The following CNTN4 variants were observed in gnomAD, a reference collection of about 807,000 sequenced individuals.
The protein encoded by CNTN4 is contactin-4.
CNTN4 carries 77 observed loss-of-function variants against 122.5 expected under a neutral mutation model. The ratio of observed to expected loss-of-function variants is 0.63; its 90% CI spans 0.52 to 0.76. The LOEUF (loss-of-function observed/expected upper bound fraction) is 0.76, where lower values mean the gene tolerates loss of function less well. CNTN4 is among the 30% of genes least tolerant of loss of function. The pLI is 0.00. For synonymous variants in CNTN4, 512 were observed against 447.0 expected, an observed-to-expected ratio of 1.15 and a Z score of -1.83; for missense variants, 1,256 against 1,259.1, an observed-to-expected ratio of 1.00 and a Z score of 0.04.
chr3:2,645,533 CT>C lies in CNTN4; in HGVS notation c.55+73977del, dbSNP rs575425739. ...ATCTCATTTGCATATCCAATTAATT[CT>C]TCCTGTTTTAATTTGCTAGGGTTGA... On this transcript the variant is annotated intron_variant, in intron 4 of 24. Transcript: ENST00000418658. 2.8e-3 allele frequency among the ~76,000 whole-genome samples: 419 copies of C among 152,184 alleles called. 1 individual carries two copies. Among genetic ancestry groups the C allele is most frequent in the African/African-American group, 9.5e-3 (394 of 41,526 alleles).
intron 9 of CNTN4, 104 bp downstream of exon 9, chr3:2,883,351 C>G: frequency 1.3e-6 from 1 of 799,806 alleles, no homozygotes; most frequent in Non-Finnish European, 2.1e-6. Flanking sequence ...GACGGAAAAG[C>G]AAGTGAAGCC....
chr3:2,806,405 G>A (rs960596296), intron 6 of CNTN4, among the ~76,000 whole-genome samples: 29 of 152,110 alleles, frequency 1.9e-4, no homozygotes, highest in African/African-American at 2.4e-5. Context: ...AAGTAATATT[G>A]ACGAAGGGAG....
chr3:2,545,163 G>C (rs59496645), intron 3 of CNTN4, among the ~76,000 whole-genome samples: 92,837 of 151,832 alleles, frequency 0.61, 28,610 homozygotes, highest in East Asian at 0.78. Context: ...TGTTTAATTT[G>C]CAGGTAATTG....
At chr3:2,884,002 C>T (rs568806844) in intron 9 of CNTN4, among the ~76,000 whole-genome samples, 3 of 152,244 alleles carry the variant, frequency 2.0e-5, no homozygotes, top group East Asian at 3.9e-4. Context: ...TTTAATGATC[C>T]GTGTCAATCT....
intron 4 of CNTN4, 59 bp downstream of exon 4, chr3:2,571,617 C>G: frequency 8.1e-7 from 1 of 1,235,654 alleles, no homozygotes; most frequent in Non-Finnish European, 1.2e-6. Flanking sequence ...CACACTAATT[C>G]AAAAGTGGGC....
At chr3:2,335,109 C>G (rs1221712224) in intron 2 of CNTN4, among the ~76,000 whole-genome samples, 2 of 152,120 alleles carry the variant, frequency 1.3e-5, no homozygotes, top group East Asian at 3.9e-4. Context: ...TTGACAGCAG[C>G]TGATTTGTTC....
At chr3:3,052,214 A>C (rs909387487) in intron 23 of CNTN4, among the ~76,000 whole-genome samples, 1 of 152,196 alleles carries the variant, frequency 6.6e-6, no homozygotes, top group Non-Finnish European at 1.5e-5. Flanking sequence ...GTGGAACTGG[A>C]GCGGGGTTAC....
intron 4 of CNTN4, among the ~76,000 whole-genome samples, chr3:2,610,174 A>G (rs1371090392): frequency 6.6e-6 from 1 of 152,166 alleles, no homozygotes; most frequent in African/African-American, 2.4e-5. Context: ...ACCATAGTAT[A>G]AGTTAAGATA....
chr3:2,196,870 C>T (rs1355487885), intron 2 of CNTN4, among the ~76,000 whole-genome samples: 1 of 151,722 alleles, frequency 6.6e-6, no homozygotes, highest in Non-Finnish European at 1.5e-5. Context: ...CATGGAGAAA[C>T]CTCGTCTCTA....
intron 8 of CNTN4, among the ~76,000 whole-genome samples, chr3:2,867,590 A>G (rs1339320818): frequency 6.6e-6 from 1 of 152,066 alleles, no homozygotes; most frequent in Non-Finnish European, 1.5e-5. Flanking sequence ...GTTTTTATAT[A>G]TGCTGTTCCC....
At chr3:2,982,771 C>T (rs1347530851) in intron 13 of CNTN4, among the ~76,000 whole-genome samples, 2 of 152,124 alleles carry the variant, frequency 1.3e-5, no homozygotes, top group Non-Finnish European at 2.9e-5. Flanking sequence ...CCATTGAAAA[C>T]AGTAATGCTC....
At chr3:2,201,548 C>T (rs1473933260) in intron 2 of CNTN4, among the ~76,000 whole-genome samples, 1 of 152,104 alleles carries the variant, frequency 6.6e-6, no homozygotes, top group Non-Finnish European at 1.5e-5. Flanking sequence ...ACTACTTAAA[C>T]ATTTGCCAAA....
At chr3:2,300,560 C>CT (rs575192976) in intron 2 of CNTN4, among the ~76,000 whole-genome samples, 3,133 of 61,996 alleles carry the variant, frequency 0.051, 923 homozygotes, top group Middle Eastern at 0.085. Flanking sequence ...CAGTGACCGT[C>CT]TTTTTTTTTT....
At chr3:2,436,453 C>T (rs903373508) in intron 3 of CNTN4, among the ~76,000 whole-genome samples, 2 of 151,946 alleles carry the variant, frequency 1.3e-5, no homozygotes, top group African/African-American at 4.8e-5. Context: ...TGAGGAAGGA[C>T]GTATAATTGC....
intron 2 of CNTN4, among the ~76,000 whole-genome samples, chr3:2,301,353 A>T: frequency 6.6e-6 from 1 of 152,208 alleles, no homozygotes; most frequent in Admixed American, 6.5e-5. Flanking sequence ...CATTTTTATA[A>T]ATCTGGTTGA....
intron 13 of CNTN4, among the ~76,000 whole-genome samples, chr3:2,946,250 G>A (rs1252740981): frequency 6.6e-6 from 1 of 152,148 alleles, no homozygotes; most frequent in Non-Finnish European, 1.5e-5. Flanking sequence ...AGGGTCAATA[G>A]GAGTGTATGA....
chr3:2,921,852 A>G (rs1014825808), intron 12 of CNTN4, among the ~76,000 whole-genome samples: 4 of 152,200 alleles, frequency 2.6e-5, no homozygotes, highest in African/African-American at 9.7e-5. Context: ...TCTATTGGCC[A>G]CTTAAAATAC....
At chr3:2,870,238 C>T (rs1016347670) in intron 8 of CNTN4, among the ~76,000 whole-genome samples, 9 of 152,158 alleles carry the variant, frequency 5.9e-5, no homozygotes, top group African/African-American at 2.2e-4. Context: ...TCTGGTATAT[C>T]TTCATAGAGA....
At chr3:2,925,994 G>C (rs1310892326) in intron 13 of CNTN4, among the ~76,000 whole-genome samples, 3 of 152,184 alleles carry the variant, frequency 2.0e-5, no homozygotes, top group African/African-American at 7.2e-5. Context: ...TGCAGAGATA[G>C]ATCACATGAT....
Sources: allele counts gnomAD v4.1 joint callset (sites outside exome capture counted in the v4.1 genomes callset), GRCh38; gene constraint gnomAD v4.1.1; transcripts MANE v1.5; gene names NCBI Gene and HGNC (gene_info 2026-07-23, HGNC 2026-07-21).